The following ASIC2 variants were observed in gnomAD, a reference collection of about 807,000 sequenced individuals.
ASIC2 encodes the protein acid-sensing ion channel 2.
Under a neutral mutation model 57.3 loss-of-function variants are expected in ASIC2, and 25 were observed. That is an observed-to-expected ratio of 0.44 (90% CI 0.32 to 0.61). The LOEUF is 0.61. Among genes scored for constraint, ASIC2 ranks in the 20% least tolerant of loss-of-function variants. ASIC2 has a pLI of 0.06. For synonymous variants in ASIC2, 319 were observed against 307.5 expected (o/e 1.04, Z -0.39); for missense variants, 641 against 738.1 (o/e 0.87, Z 1.52).
intron 1 of ASIC2, among the ~76,000 whole-genome samples, chr17:33,863,833 A>T (rs1408045397): frequency 6.6e-6 from 1 of 152,132 alleles, no homozygotes; most frequent in Non-Finnish European, 1.5e-5. Context: ...GACAACAAAA[A>T]TCTAGCTATA....
intron 1 of ASIC2, among the ~76,000 whole-genome samples, chr17:33,629,330 AG>A (rs1906087831): frequency 2.3e-4 from 1 of 4,420 alleles, no homozygotes; most frequent in Non-Finnish European, 3.6e-4. Flanking sequence ...GAAGGCACTT[AG>A]GAATTAATTG....
chr17:33,079,484 A>T (rs2092103515), intron 3 of ASIC2, among the ~76,000 whole-genome samples: 1 of 151,994 alleles, frequency 6.6e-6, no homozygotes, highest in South Asian at 2.1e-4. Context: ...AGGCCACTGA[A>T]AGAGAGGCAG....
intron 1 of ASIC2, among the ~76,000 whole-genome samples, chr17:33,201,466 T>G (rs2142078515): frequency 6.6e-6 from 1 of 152,354 alleles, no homozygotes; most frequent in African/African-American, 2.4e-5. Flanking sequence ...CCATGAGACG[T>G]GCCCACCAAT....
intron 1 of ASIC2, among the ~76,000 whole-genome samples, chr17:34,066,401 T>C (rs1001253533): frequency 7.9e-5 from 12 of 152,166 alleles, no homozygotes; most frequent in African/African-American, 2.9e-4. Flanking sequence ...ACTGATTGAA[T>C]TGGAACCTCT....
chr17:33,784,598 A>T (rs1441142471), intron 1 of ASIC2, among the ~76,000 whole-genome samples: 1 of 152,254 alleles, frequency 6.6e-6, no homozygotes, highest in Non-Finnish European at 1.5e-5. Context: ...AATGCAATAC[A>T]TCATTGCAAC....
At chr17:33,400,873 G>T (rs996978078) in intron 1 of ASIC2, among the ~76,000 whole-genome samples, 2 of 152,060 alleles carry the variant, frequency 1.3e-5, no homozygotes, top group Non-Finnish European at 2.9e-5. Flanking sequence ...TTTTCAAACT[G>T]CCTATAGGTT....
chr17:33,560,044 T>C (rs1391365334), intron 1 of ASIC2, among the ~76,000 whole-genome samples: 1 of 152,190 alleles, frequency 6.6e-6, no homozygotes, highest in African/African-American at 2.4e-5. Context: ...ACTGCCATTT[T>C]TTTTCAATCA....
intron 1 of ASIC2, among the ~76,000 whole-genome samples, chr17:33,690,316 A>G (rs892325156): frequency 2.6e-5 from 4 of 152,206 alleles, no homozygotes; most frequent in Non-Finnish European, 2.9e-5. Flanking sequence ...TTTGCTCCCT[A>G]TGGCACCAGT....
chr17:33,976,919 T>A (rs1905409927), intron 1 of ASIC2, among the ~76,000 whole-genome samples: 1 of 152,042 alleles, frequency 6.6e-6, no homozygotes. Context: ...CCATGCTAAT[T>A]TTGACATTTT....
intron 1 of ASIC2, among the ~76,000 whole-genome samples, chr17:33,405,773 C>CACT (rs1910452516): frequency 6.6e-6 from 1 of 152,124 alleles, no homozygotes; most frequent in Admixed American, 6.5e-5. Flanking sequence ...TGAGCCACCA[C>CACT]ACCGGGCCAA....
intron 1 of ASIC2, among the ~76,000 whole-genome samples, chr17:33,408,881 G>T (rs1444965201): frequency 2.0e-5 from 3 of 152,218 alleles, no homozygotes; most frequent in African/African-American, 7.2e-5. Flanking sequence ...CTCAAGCAAT[G>T]CTCAGAGAGC....
chr17:33,548,221 G>C (rs1266631195), intron 1 of ASIC2, among the ~76,000 whole-genome samples: 1 of 152,220 alleles, frequency 6.6e-6, no homozygotes, highest in Non-Finnish European at 1.5e-5. Flanking sequence ...AGGAAAAGAG[G>C]TGCTTTCATT....
intron 2 of ASIC2, among the ~76,000 whole-genome samples, chr17:33,105,558 C>T (rs149301186): frequency 6.6e-6 from 1 of 152,306 alleles, no homozygotes; most frequent in African/African-American, 2.4e-5. Context: ...TATGAAGATA[C>T]TTGAAAATGT....
At chr17:33,376,695 T>C (rs1489916835) in intron 1 of ASIC2, among the ~76,000 whole-genome samples, 1 of 152,206 alleles carries the variant, frequency 6.6e-6, no homozygotes, top group East Asian at 1.9e-4. Flanking sequence ...ACCATTTCAC[T>C]ACCCTTCCTC....
chr17:33,823,110 C>T (rs1567725628), intron 1 of ASIC2, among the ~76,000 whole-genome samples: 5 of 152,184 alleles, frequency 3.3e-5, no homozygotes, highest in Non-Finnish European at 7.3e-5. Context: ...ATCCTATAGA[C>T]ATTTATCCTT....
intron 1 of ASIC2, among the ~76,000 whole-genome samples, chr17:33,704,375 C>T (rs921098714): frequency 2.6e-5 from 4 of 152,160 alleles, no homozygotes; most frequent in African/African-American, 4.8e-5. Context: ...CCTGTAGGCA[C>T]CTCTTTCCAC....
At chr17:33,372,014 G>A (rs1909086948) in intron 1 of ASIC2, among the ~76,000 whole-genome samples, 1 of 152,034 alleles carries the variant, frequency 6.6e-6, no homozygotes, top group African/African-American at 2.4e-5. Context: ...TACTGAGTGT[G>A]AAGGCTCTAG....
chr17:33,697,619 C>T (rs1297169696), intron 1 of ASIC2, among the ~76,000 whole-genome samples: 3 of 152,162 alleles, frequency 2.0e-5, no homozygotes. Context: ...CATAGGCTAC[C>T]ACCTTTCTCC....
At chr17:33,213,275 A>G (rs1907347622) in intron 1 of ASIC2, among the ~76,000 whole-genome samples, 1 of 152,242 alleles carries the variant, frequency 6.6e-6, no homozygotes, top group Non-Finnish European at 1.5e-5. Flanking sequence ...AAGGTGGAAA[A>G]AAAACCTTGC....
Sources: allele counts gnomAD v4.1 joint callset (sites outside exome capture counted in the v4.1 genomes callset), GRCh38; gene constraint gnomAD v4.1.1; transcripts MANE v1.5; gene names NCBI Gene and HGNC (gene_info 2026-07-23, HGNC 2026-07-21).